SEL1L2: variants seen among roughly 807,000 people sequenced by gnomAD.
SEL1L2 encodes SEL1L2 adaptor subunit of SYVN1 ubiquitin ligase.
In SEL1L2, 89 loss-of-function variants were observed where a neutral mutation model predicts 98.8. The observed-to-expected ratio is 0.90, with a 90% CI of 0.76 to 1.07. SEL1L2 has a LOEUF of 1.07. SEL1L2 is among the 50% of genes least tolerant of loss of function. The pLI, the probability that SEL1L2 is intolerant of heterozygous loss-of-function variation, is 0.00. For synonymous variants in SEL1L2, 262 were observed against 278.5 expected (o/e 0.94, Z 0.59); for missense variants, 788 against 812.0 (o/e 0.97, Z 0.36).
At chr20:13,939,156 G>A (rs1406478346) in intron 2 of SEL1L2, among the ~76,000 whole-genome samples, 2 of 149,268 alleles carry the variant, frequency 1.3e-5, no homozygotes, top group Admixed American at 1.3e-4. Context: ...TGATTCTCCT[G>A]CCTCAGCCTC....
At chr20:13,959,588 C>T (rs111307166) in intron 1 of SEL1L2, among the ~76,000 whole-genome samples, 24 of 152,272 alleles carry the variant, frequency 1.6e-4, no homozygotes, top group East Asian at 3.9e-4. Flanking sequence ...TTGTCTCATC[C>T]GCCATATTCA....
At chr20:13,985,423 C>G (rs1434584244) in intron 1 of SEL1L2, among the ~76,000 whole-genome samples, 1 of 152,140 alleles carries the variant, frequency 6.6e-6, no homozygotes, top group African/African-American at 2.4e-5. Context: ...ACTCACTAAT[C>G]TTTCAAGATT....
chr20:13,903,398 G>A (rs546359398), intron 5 of SEL1L2, among the ~76,000 whole-genome samples: 2 of 152,068 alleles, frequency 1.3e-5, no homozygotes, highest in Non-Finnish European at 2.9e-5. Flanking sequence ...CTGTTTGGGT[G>A]TTTCTAGTAT....
intron 10 of SEL1L2, among the ~76,000 whole-genome samples, chr20:13,883,396 T>C (rs1268817083): frequency 6.6e-6 from 1 of 152,230 alleles, no homozygotes; most frequent in Non-Finnish European, 1.5e-5. Context: ...TTTTTTGTTT[T>C]GGCCTGGGTC....
chr20:13,888,416 G>T, intron 6 of SEL1L2, 43 bp downstream of exon 6: 2 of 1,296,570 alleles, frequency 1.5e-6, no homozygotes, highest in South Asian at 2.5e-5. Context: ...GTCCCTTTTA[G>T]AGAAATCAAT....
chr20:13,924,995 C>T (rs1030832189), intron 3 of SEL1L2, among the ~76,000 whole-genome samples: 15 of 151,890 alleles, frequency 9.9e-5, no homozygotes, highest in African/African-American at 2.9e-4. Flanking sequence ...AAAAATTAGC[C>T]GGGCATAGTG....
intron 5 of SEL1L2, among the ~76,000 whole-genome samples, chr20:13,903,762 C>A (rs1475443793): frequency 6.6e-6 from 1 of 151,922 alleles, no homozygotes; most frequent in Admixed American, 6.6e-5. Flanking sequence ...TTGCAGTGAG[C>A]CAAGATCATG....
intron 5 of SEL1L2, among the ~76,000 whole-genome samples, chr20:13,908,668 C>T (rs1275211075): frequency 6.6e-6 from 1 of 152,186 alleles, no homozygotes; most frequent in Non-Finnish European, 1.5e-5. Flanking sequence ...TCCTCAATTT[C>T]CACCATTTTC....
chr20:13,908,350 C>T (rs1035129953), intron 5 of SEL1L2, among the ~76,000 whole-genome samples: 10 of 151,980 alleles, frequency 6.6e-5, no homozygotes, highest in African/African-American at 2.2e-4. Flanking sequence ...TCTTAAAATC[C>T]TGGGCTCAAG....
chr20:13,900,836 G>A (rs867446877), intron 5 of SEL1L2, among the ~76,000 whole-genome samples: 34 of 152,218 alleles, frequency 2.2e-4, no homozygotes, highest in African/African-American at 7.5e-4. Context: ...GTCATTGGGG[G>A]CTCACCTGGC....
chr20:13,979,446 A>G (rs935969024), intron 1 of SEL1L2, among the ~76,000 whole-genome samples: 4 of 152,244 alleles, frequency 2.6e-5, no homozygotes, highest in African/African-American at 9.6e-5. Context: ...ATGAGGTGCT[A>G]TGCTAATAAC....
At chr20:13,928,581 G>A (rs1212249391) in intron 3 of SEL1L2, among the ~76,000 whole-genome samples, 2 of 152,128 alleles carry the variant, frequency 1.3e-5, no homozygotes, top group Non-Finnish European at 2.9e-5. Flanking sequence ...AAGATTTCTG[G>A]TGTATTACTG....
At chr20:13,915,483 G>A (rs1024044461) in intron 4 of SEL1L2, among the ~76,000 whole-genome samples, 1 of 152,194 alleles carries the variant, frequency 6.6e-6, no homozygotes, top group African/African-American at 2.4e-5. Flanking sequence ...CTGTCACGTG[G>A]CTTGCTGCTG....
intron 8 of SEL1L2, among the ~76,000 whole-genome samples, chr20:13,887,294 T>A (rs557955990): frequency 1.3e-5 from 2 of 152,210 alleles, no homozygotes; most frequent in Non-Finnish European, 2.9e-5. Flanking sequence ...ATCCTAATAA[T>A]GCCAAAGATG....
chr20:13,873,066 C>T (rs2147878117), intron 12 of SEL1L2, among the ~76,000 whole-genome samples: 1 of 151,670 alleles, frequency 6.6e-6, no homozygotes, highest in East Asian at 1.9e-4. Context: ...TCTCAGCTCA[C>T]TGCAACCTTT....
At chr20:13,904,679 C>A (rs2047841156) in intron 5 of SEL1L2, among the ~76,000 whole-genome samples, 1 of 152,102 alleles carries the variant, frequency 6.6e-6, no homozygotes, top group South Asian at 2.1e-4. Flanking sequence ...ACTCCTCTCA[C>A]CCTTGTAACG....
rs73612323 is a variant in SEL1L2 at position 13,896,413 on chromosome 20, T to A, written c.550-7901A>T. ...TGAACCCGGAAGGTGGAGCTTGCAG[T>A]GAGCTGAGATCACTCCATTGCACTC... On this transcript the variant is annotated intron_variant, in intron 5 of 19. Transcript: ENST00000284951. Among the ~76,000 whole-genome samples, 104 of 151,796 alleles carry A rather than the reference T, an allele frequency of 6.9e-4. No homozygotes were observed. In the East Asian group the frequency reaches 0.019, roughly 28 times the overall value.
At position 13,963,898 on chromosome 20, in the gene SEL1L2, CT is replaced by C. The variant is rs2050901058; in HGVS notation, c.59-7768del. On this transcript the variant is annotated intron_variant, in intron 1 of 19. Transcript: ENST00000284951. The stretch of plus-strand genomic sequence containing the variant: ...TATATATTTTTTTCCTTGAGATGGA[CT>C]TTTGCTCTGTCACCCAGGCTGGAGT... Among the ~76,000 whole-genome samples, 5 of 152,052 alleles carry C rather than the reference CT, an allele frequency of 3.3e-5. No homozygotes were observed. In the South Asian group the frequency reaches 1.0e-3, roughly 32 times the overall value.
chr20:13,974,634 A>G (rs923247746), intron 1 of SEL1L2, among the ~76,000 whole-genome samples: 1 of 151,502 alleles, frequency 6.6e-6, no homozygotes, highest in African/African-American at 2.4e-5. Context: ...ACCCACCACC[A>G]TGCCTGACTA....
Sources: gnomAD v4.1 joint callset for allele counts (sites outside exome capture counted in the v4.1 genomes callset) on GRCh38, gnomAD v4.1.1 for gene constraint, MANE v1.5 for transcripts, NCBI Gene and HGNC (gene_info 2026-07-23, HGNC 2026-07-21) for gene names.